Variants in CHD2 observed in about 807,000 individuals in gnomAD.
CHD2 encodes chromodomain helicase DNA binding protein 2.
A neutral mutation model predicts 243.9 loss-of-function variants in CHD2; 28 were observed. The ratio of observed to expected loss-of-function variants is 0.11; its 90% confidence interval spans 0.09 to 0.16. The LOEUF is 0.16. Among genes scored for constraint, CHD2 ranks in the 10% least tolerant of loss-of-function variants. The pLI is 1.00. For missense variants in CHD2, 1,386 were observed against 2,209.8 expected (o/e 0.63, Z 7.47); for synonymous variants, 775 against 779.0 (o/e 0.99, Z 0.09).
intron 27 of CHD2, 41 bp downstream of exon 27, chr15:92,991,558 C>G (rs776431012): frequency 1.4e-6 from 2 of 1,480,948 alleles, no homozygotes; most frequent in Admixed American, 2.0e-5. Flanking sequence ...CTCTTTTTTG[C>G]TTTTATTATA....
chr15:92,956,635 T>C lies in CHD2; in HGVS notation c.1986T>C (p.Phe662=). 3 of 1,608,954 alleles carry C rather than the reference T, an allele frequency of 1.9e-6. No homozygotes were observed. Among genetic ancestry groups the C allele is most frequent in the African/African-American group, 1.3e-5 (1 of 74,492 alleles). ...AAGAGCTCTGGTCCTTGCTGCACTT[T>C]ATTATGCCGGAGAAGTAAGCTCCTT... is the stretch of plus-strand genomic sequence containing the variant. ...SLKELWSLLH[F]IMPEKFEFWE... Residue 662 remains phenylalanine, a synonymous_variant, in exon 16 of 39, where the codon TTT becomes TTC. Coordinates refer to ENST00000394196, the MANE Select transcript of CHD2 (RefSeq NM_001271.4).
intron 16 of CHD2, among the ~76,000 whole-genome samples, chr15:92,959,464 T>A (rs1395287846): frequency 6.6e-6 from 1 of 152,154 alleles, no homozygotes; most frequent in Admixed American, 6.5e-5. Flanking sequence ...CACACTGTCT[T>A]GATTAATGTA....
intron 2 of CHD2, among the ~76,000 whole-genome samples, chr15:92,922,451 A>AT (rs2052974536): frequency 6.6e-6 from 1 of 151,604 alleles, no homozygotes; most frequent in African/African-American, 2.4e-5. Context: ...CTGCTCTCCC[A>AT]TTTTTTCTCA....
At chr15:92,908,905 G>GGT (rs904436227) in intron 2 of CHD2, among the ~76,000 whole-genome samples, 26 of 152,100 alleles carry the variant, frequency 1.7e-4, no homozygotes, top group African/African-American at 6.3e-4. Flanking sequence ...GATCACTTGA[G>GGT]GTAGGGAGTT....
At position 92,978,282 on chromosome 15, in the gene CHD2, T is replaced by C; in HGVS notation, c.2626T>C (p.Leu876=). Residue 876 remains leucine, a synonymous_variant, in exon 21 of 39, where the codon TTG becomes CTG. Transcript: ENST00000394196. ...STRAGGLGIN[L]ASADTVVIFD... is the part of the protein sequence containing the mutation. ...AAGGGCTGGTGGCCTGGGAATCAATTTGGCTTCAGCGGACACAGTCGTCAT... is the reference window on the plus strand; with the variant it reads ...AAGGGCTGGTGGCCTGGGAATCAATCTGGCTTCAGCGGACACAGTCGTCAT... The C allele has an allele frequency of 6.2e-7, 1 of 1,614,190 alleles. No individual in the cohort carries two copies. The highest frequency in any genetic ancestry group is 8.5e-7 in the Non-Finnish European group (1 of 1,180,030).
chr15:92,995,083 TAACAA>T (rs2054170121), intron 28 of CHD2, among the ~76,000 whole-genome samples: 1 of 152,216 alleles, frequency 6.6e-6, no homozygotes, highest in Non-Finnish European at 1.5e-5. Context: ...ATCTTACTGT[TAACAA>T]AAGAATGCTG....
chr15:92,975,016 G>T, intron 20 of CHD2, 66 bp downstream of exon 20: 2 of 1,293,516 alleles, frequency 1.5e-6, no homozygotes, highest in South Asian at 1.2e-5. Context: ...AGTCTCTCTC[G>T]CTTAATGTAT....
At chr15:92,922,889 C>CT (rs1263026719) in intron 2 of CHD2, among the ~76,000 whole-genome samples, 4 of 152,142 alleles carry the variant, frequency 2.6e-5, no homozygotes, top group East Asian at 1.9e-4. Context: ...GATTGATACT[C>CT]TATCACCCCT....
At chr15:92,974,716 G>A (rs1596422956) in intron 19 of CHD2, 163 bp from the exon 20 acceptor site, 1 of 582,168 alleles carries the variant, frequency 1.7e-6, no homozygotes, top group East Asian at 3.1e-5. Flanking sequence ...GAGTAGGGTA[G>A]GGTGTGCTTC....
At chr15:92,904,610 C>G (rs1003805450) in intron 2 of CHD2, 2 of 1,164,316 alleles carry the variant, frequency 1.7e-6, no homozygotes, top group Non-Finnish European at 2.1e-6. Context: ...GTAGTGTGTT[C>G]TTTTGCCCAT....
Position 92,945,821 on chromosome 15 carries a change from C to G in CHD2, c.1154C>G (p.Ala385Gly). 3 of 1,559,524 alleles carry G rather than the reference C, an allele frequency of 1.9e-6. No homozygotes were observed. The highest frequency in any genetic ancestry group is 2.6e-6 in the Non-Finnish European group (3 of 1,148,618). ...KQYQIVERVIAVKTSKSTLGQ... is the reference protein window; with the variant it reads ...KQYQIVERVIGVKTSKSTLGQ... ...TCTGTCTTATTTTTTATTTGTTTAG[C>G]TGTGAAGACAAGTAAATCTACATTG... The change falls in exon 11 of 39, where the codon GCT becomes GGT. Residue 385 changes from alanine (A) to glycine (G), a missense_variant and splice_region_variant. Transcript: ENST00000394196.
intron 2 of CHD2, chr15:92,902,409 T>A: frequency 2.7e-6 from 1 of 375,232 alleles, no homozygotes; most frequent in Non-Finnish European, 4.7e-6. Context: ...TTAACAAGGA[T>A]GTGATTCATT....
rs763466775 is a variant in CHD2 at position 92,953,432 on chromosome 15, G to A, written c.1578G>A (p.Leu526=). The change falls in exon 14 of 39, where the codon CTG becomes CTA. Residue 526 remains leucine (L), a synonymous_variant. Transcript: ENST00000394196. ...TIQTISFLSY[L]FHQHQLYGPF... is the part of the protein sequence containing the mutation. ...AGACCATATCATTCCTCTCCTACCT[G>A]TTCCACCAACACCAGCTGTATGGCC... The A allele has an allele frequency of 3.6e-5, 58 of 1,613,916 alleles. No individual in the cohort carries two copies. Among genetic ancestry groups the A allele is most frequent in the Non-Finnish European group, 4.2e-5 (50 of 1,180,014 alleles).
At chr15:92,967,594 T>G (rs1400362371) in intron 17 of CHD2, 81 bp downstream of exon 17, 5 of 935,526 alleles carry the variant, frequency 5.3e-6, no homozygotes, top group Non-Finnish European at 7.2e-6. Context: ...ATATATATAC[T>G]TTTGTTTTTT....
intron 5 of CHD2, among the ~76,000 whole-genome samples, chr15:92,931,511 C>G (rs964362094): frequency 6.6e-6 from 1 of 152,120 alleles, no homozygotes; most frequent in African/African-American, 2.4e-5. Flanking sequence ...TCCCAAGTAG[C>G]TGGGACGACA....
intron 35 of CHD2, among the ~76,000 whole-genome samples, chr15:93,010,884 A>G (rs771810421): frequency 1.8e-4 from 28 of 152,236 alleles, no homozygotes; most frequent in Non-Finnish European, 3.4e-4. Flanking sequence ...TAATGTGATT[A>G]TCTTTGTATA....
Position 92,900,494 on chromosome 15 carries a change from T to C in CHD2, c.-402T>C. The C allele has an allele frequency of 2.5e-6, 1 of 398,714 alleles. No individual in the cohort carries two copies. The highest frequency in any genetic ancestry group is 3.6e-5 in the East Asian group (1 of 28,050). 24.7% of individuals were successfully genotyped at this position (398,714 alleles called of 1,614,324 possible). On this transcript the variant is annotated 5_prime_UTR_variant, in exon 1 of 39. Coordinates refer to ENST00000394196, the MANE Select transcript of CHD2 (RefSeq NM_001271.4). ...TACTGGGGTCGATTCGAACCTTTTT[T>C]TGGGAGAAAAGCAGCTTTTAGGAGC...
rs985145180 is a variant in CHD2 at position 92,956,587 on chromosome 15, G to A, written c.1938G>A (p.Gly646=). The part of the protein sequence containing the change: ...FKSNHRLLIT[G]TPLQNSLKEL... ...CCAACCATAGGCTCCTGATTACGGG[G>A]ACCCCTCTTCAGAATTCCCTCAAAG... The change falls in exon 16 of 39, where the codon GGG becomes GGA. Residue 646 remains glycine (G), a synonymous_variant. Transcript: ENST00000394196. 21 of 1,613,868 alleles carry A rather than the reference G, an allele frequency of 1.3e-5. No homozygotes were observed. Among genetic ancestry groups the A allele is most frequent in the Non-Finnish European group, 1.6e-5 (19 of 1,179,928 alleles).
rs930418 is a variant in CHD2 at position 93,001,448 on chromosome 15, C to G, written c.4138-729C>G. On this transcript the variant is annotated intron_variant, in intron 32 of 38. Transcript: ENST00000394196. ...GTGTAATTGTACTTGGATATTAGCT[C>G]CAAGAGGATCAGCAGTGTGTACAGG... is the stretch of plus-strand genomic sequence containing the variant. 4.6e-3 allele frequency among the ~76,000 whole-genome samples: 695 copies of G among 152,224 alleles called. 5 individuals are homozygous for G. Among genetic ancestry groups the G allele is most frequent in the African/African-American group, 0.016 (675 of 41,516 alleles).
Sources: gnomAD v4.1 joint callset for allele counts (sites outside exome capture counted in the v4.1 genomes callset) on GRCh38, gnomAD v4.1.1 for gene constraint, MANE v1.5 for transcripts, NCBI Gene and HGNC (gene_info 2026-07-23, HGNC 2026-07-21) for gene names.